The following XYLT1 variants were observed in gnomAD, a reference collection of about 807,000 sequenced individuals.
XYLT1 encodes the protein beta-D-xylosyltransferase 1.
Under a neutral mutation model 91.3 loss-of-function variants are expected in XYLT1, and 36 were observed. The observed-to-expected ratio is 0.39, with a 90% CI of 0.30 to 0.52. The LOEUF is 0.52. Ranked by LOEUF, XYLT1 falls within the 20% of genes least tolerant of loss-of-function variation. The pLI is 0.68. For synonymous variants in XYLT1, 588 were observed against 532.0 expected (o/e 1.11, Z -1.45); for missense variants, 1,242 against 1,284.5 (o/e 0.97, Z 0.51).
In XYLT1 at chr16:17,102,251, A is replaced by G. The variant is rs1426952538; in HGVS notation, c.*6444T>C. ...TATAGTCATCCTATCTTCACCATGC[A>G]GATGACAGAAGAGAATATGAGATTG... On this transcript the variant is annotated 3_prime_UTR_variant, in exon 12 of 12. Transcript: ENST00000261381. The G allele has an allele frequency of 2.0e-5, 3 of 152,650 alleles. No homozygotes were observed. The highest frequency in any genetic ancestry group is 4.4e-5 in the Non-Finnish European group (3 of 68,046). 9.5% of individuals were successfully genotyped at this position (152,650 alleles called of 1,614,324 possible). A position where few individuals can be genotyped will look rare whatever the true frequency, so the allele number is the denominator to read the frequency against.
At position 17,259,087 on chromosome 16, in the gene XYLT1, T is replaced by C. The variant is rs757029825; in HGVS notation, c.814A>G (p.Lys272Glu). ...KEAISALSRA[K>E]SKHCRQEIGE... ...ATCTCCTGGCGGCAGTGCTTGGACT[T>C]AGCACGGGACAGGGCAGAGATGGCC... The change falls in exon 3 of 12, where the codon AAG (lysine) becomes GAG (glutamate). Residue 272 changes from lysine to glutamate, a missense_variant. By Grantham distance (56) the Lys-to-Glu change is moderately conservative. This residue lies in a region of XYLT1 where 437 missense variants were observed against 411.5 expected (regional missense o/e 1.06). Transcript: ENST00000261381. 6.5e-7 allele frequency: 1 copy of C among 1,544,914 alleles called. No individual in the cohort carries two copies. The highest frequency in any genetic ancestry group is 8.7e-7 in the Non-Finnish European group (1 of 1,147,170).
intron 2 of XYLT1, among the ~76,000 whole-genome samples, chr16:17,286,548 T>C (rs1356400802): frequency 1.3e-5 from 2 of 152,198 alleles, no homozygotes; most frequent in African/African-American, 2.4e-5. Context: ...AGCACTAAAA[T>C]TGTATGTAAA....
chr16:17,235,741 C>T (rs2033237500), intron 3 of XYLT1, among the ~76,000 whole-genome samples: 1 of 152,198 alleles, frequency 6.6e-6, no homozygotes, highest in South Asian at 2.1e-4. Context: ...TACAGAAAAT[C>T]TGACGTGTTG....
In XYLT1 at chr16:17,439,497, T is replaced by C. The variant is rs72783548; in HGVS notation, c.363+30937A>G. On this transcript the variant is annotated intron_variant, in intron 1 of 11. Transcript: ENST00000261381. ...CCATATCTGCATGTATTGTGTGCTATTATTTATGCAATGTTTATTTGAATA... is the reference window on the plus strand; with the variant it reads ...CCATATCTGCATGTATTGTGTGCTACTATTTATGCAATGTTTATTTGAATA... Among the ~76,000 whole-genome samples the C allele has an allele frequency of 8.1e-4, 123 of 152,326 alleles. 2 individuals carry two copies. Among genetic ancestry groups the C allele is most frequent in the South Asian group, 7.5e-3 (36 of 4,822 alleles).
intron 2 of XYLT1, among the ~76,000 whole-genome samples, chr16:17,320,393 T>C (rs2034697744): frequency 6.6e-6 from 1 of 152,050 alleles, no homozygotes; most frequent in Non-Finnish European, 1.5e-5. Context: ...TTCCCAATGC[T>C]TACATCCAAA....
chr16:17,343,090 C>T (rs913685341), intron 2 of XYLT1, among the ~76,000 whole-genome samples: 1 of 152,216 alleles, frequency 6.6e-6, no homozygotes, highest in Admixed American at 6.5e-5. Flanking sequence ...CAACATGGCA[C>T]ACAGCAGCCT....
Position 17,321,342 on chromosome 16 carries a change from C to CTTTTTT in XYLT1, c.402+36664_402+36669dup, listed in dbSNP as rs10606202. On this transcript the variant is annotated intron_variant, in intron 2 of 11. Transcript: ENST00000261381. The stretch of plus-strand genomic sequence containing the variant: ...GACAGTTCCCAAAGTACTAACTAGC[C>CTTTTTT]TTTTTTTTTTTTTTTTTTTTTTTTT... Among the ~76,000 whole-genome samples, 68 of 43,624 alleles carry CTTTTTT rather than the reference C, an allele frequency of 1.6e-3. 12 individuals carry two copies. Among genetic ancestry groups the CTTTTTT allele is most frequent in the East Asian group, 7.2e-3 (7 of 978 alleles). The allele number at this position is 43,624 out of a possible 152,430, so 28.6% of individuals were successfully genotyped here.
chr16:17,292,142 G>A (rs1429853644), intron 2 of XYLT1, among the ~76,000 whole-genome samples: 1 of 151,598 alleles, frequency 6.6e-6, no homozygotes, highest in Non-Finnish European at 1.5e-5. Flanking sequence ...CTATATATAT[G>A]TTTTTTGAAA....
intron 9 of XYLT1, among the ~76,000 whole-genome samples, chr16:17,130,999 C>A (rs1016466784): frequency 1.3e-5 from 2 of 152,122 alleles, no homozygotes; most frequent in African/African-American, 4.8e-5. Flanking sequence ...CCTTATTGAT[C>A]TTATATTCTG....
chr16:17,450,533 A>G (rs922708817), intron 1 of XYLT1, among the ~76,000 whole-genome samples: 5 of 152,190 alleles, frequency 3.3e-5, no homozygotes, highest in Non-Finnish European at 5.9e-5. Flanking sequence ...GACATGTGCA[A>G]TCAGGGCACA....
At chr16:17,141,426 C>T in intron 6 of XYLT1, 57 bp from the exon 7 acceptor site, 1 of 1,538,098 alleles carries the variant, frequency 6.5e-7, no homozygotes, top group South Asian at 1.2e-5. Context: ...AGAACTCCAG[C>T]CAGAGTCCAA....
intron 2 of XYLT1, among the ~76,000 whole-genome samples, chr16:17,341,057 G>A (rs1484361185): frequency 1.3e-5 from 2 of 152,164 alleles, no homozygotes; most frequent in Admixed American, 6.6e-5. Flanking sequence ...GGCTTTGACC[G>A]GAGATGTGAA....
chr16:17,349,549 C>T (rs959728849), intron 2 of XYLT1, among the ~76,000 whole-genome samples: 1 of 151,828 alleles, frequency 6.6e-6, no homozygotes, highest in Non-Finnish European at 1.5e-5. Flanking sequence ...TAGTAACTCC[C>T]AGGGTTATTT....
intron 3 of XYLT1, among the ~76,000 whole-genome samples, chr16:17,202,250 G>A (rs2032556616): frequency 6.6e-6 from 1 of 152,220 alleles, no homozygotes; most frequent in Non-Finnish European, 1.5e-5. Context: ...TCTAAACCGG[G>A]AGAACTGAGA....
rs781180197 is a variant in XYLT1, at chr16:17,200,550, G to A, written c.1018C>T (p.Arg340Trp). ...FVLVVHGRAS[R>W]QLQRMFKAIY... Reference sequence around the variant, plus strand: ...GCCTTGAACATGCGCTGCAACTGCCGAGAGGCACGGCCGTGGACCACCAGG... The same window carrying A: ...GCCTTGAACATGCGCTGCAACTGCCAAGAGGCACGGCCGTGGACCACCAGG... The change falls in exon 4 of 12, where the codon CGG becomes TGG. Residue 340 changes from arginine (R) to tryptophan (W), a missense_variant. Physicochemically the swap from Arg to Trp is moderately radical, Grantham distance 101. Around this residue, in one of 3 missense-constraint regions of XYLT1, gnomAD observed 294 missense variants for 376.0 expected, o/e 0.78. Transcript: ENST00000261381. 1.2e-6 allele frequency: 2 copies of A among 1,614,070 alleles called. No individual in the cohort carries two copies. The highest frequency in any genetic ancestry group is 1.7e-6 in the Non-Finnish European group (2 of 1,180,042).
chr16:17,169,415 C>T (rs927757029), intron 5 of XYLT1, among the ~76,000 whole-genome samples: 13 of 152,202 alleles, frequency 8.5e-5, no homozygotes, highest in African/African-American at 2.7e-4. Context: ...CAAACCATTT[C>T]ACAAAGCCTC....
chr16:17,292,105 C>CACACACACAT (rs1491509347), intron 2 of XYLT1, among the ~76,000 whole-genome samples: 78 of 137,618 alleles, frequency 5.7e-4, no homozygotes, highest in African/African-American at 2.0e-3. Flanking sequence ...CACACACACA[C>CACACACACAT]ATATACACAT....
At chr16:17,452,609 G>A (rs949439727) in intron 1 of XYLT1, among the ~76,000 whole-genome samples, 6 of 152,036 alleles carry the variant, frequency 3.9e-5, no homozygotes, top group Admixed American at 1.3e-4. Context: ...TATATAATCT[G>A]AAATGTCAAA....
chr16:17,289,168 A>G (rs1293638565), intron 2 of XYLT1, among the ~76,000 whole-genome samples: 3 of 152,180 alleles, frequency 2.0e-5, no homozygotes, highest in Non-Finnish European at 4.4e-5. Flanking sequence ...CAACCCTGCC[A>G]TTGTAGAGTG....
Sources: gnomAD v4.1 joint callset for allele counts (sites outside exome capture counted in the v4.1 genomes callset) on GRCh38, gnomAD v4.1.1 for gene constraint, gnomAD v4.1.1 regional missense constraint, MANE v1.5 for transcripts, NCBI Gene and HGNC (gene_info 2026-07-23, HGNC 2026-07-21) for gene names.